Variants in MYO15B observed in about 807,000 individuals in gnomAD.
MYO15B encodes myosin XVB, also known as myosin XVB pseudogene.
In MYO15B, 207 loss-of-function variants were observed where a neutral mutation model predicts 119.3. The observed-to-expected ratio is 1.73, with a 90% confidence interval of 1.55 to 1.95. The LOEUF is 1.95. Ranked by LOEUF, MYO15B falls within the 30% of genes most tolerant of loss-of-function variation. MYO15B has a pLI of 0.00. For missense variants in MYO15B, 2,264 were observed against 1,203.1 expected, an observed-to-expected ratio of 1.88 and a Z score of -13.04; for synonymous variants, 966 against 498.9, an observed-to-expected ratio of 1.94 and a Z score of -12.48.
intron 9 of MYO15B, among the ~76,000 whole-genome samples, chr17:75,593,197 TAAAAAAAAAA>T (rs5822094): frequency 1.3e-5 from 1 of 74,228 alleles, no homozygotes; most frequent in Admixed American, 2.1e-4. Context: ...CCGTCTCTAT[TAAAAAAAAAA>T]AAAAAAAAAA....
At position 75,624,243 on chromosome 17, in the gene MYO15B, C is replaced by A. The variant is rs1414471152; in HGVS notation, c.8341C>A (p.Pro2781Thr). The A allele has an allele frequency of 8.5e-6, 6 of 702,930 alleles. No individual in the cohort carries two copies. The South Asian group carries it at 8.9e-5, about 10-fold the overall frequency. The allele number at this position is 702,930 out of a possible 1,614,324, so 43.5% of individuals were successfully genotyped here. Residue 2781 changes from proline to threonine, a missense_variant, in exon 56 of 64, where the codon CCA becomes ACA. Pro to Thr is a conservative substitution (Grantham distance 38, BLOSUM62 -1). Transcript: ENST00000645453. ...ATATGGGGGGCGCCGGCGGATGCCCCCACCGGGTGAAATGAAGGCTTTCCT... is the reference window on the plus strand; with the variant it reads ...ATATGGGGGGCGCCGGCGGATGCCCACACCGGGTGAAATGAAGGCTTTCCT...
Position 75,619,129 on chromosome 17 carries a change from C to T in MYO15B, c.6988-14C>T, listed in dbSNP as rs1406234131. ...TCTCAGGACCTGGTGGTGACCACCT[C>T]GCTCTGCCCCCAGATCCTACGGGAC... On this transcript the variant is annotated splice_polypyrimidine_tract_variant and intron_variant, in intron 43 of 63. Transcript: ENST00000645453. 8 of 702,704 alleles carry T rather than the reference C, an allele frequency of 1.1e-5. No individual in the cohort carries two copies. The highest frequency in any genetic ancestry group is 5.4e-5 in the East Asian group (2 of 37,304). The allele number at this position is 702,704 out of a possible 1,614,324, so 43.5% of individuals were successfully genotyped here.
chr17:75,597,275 G>A (rs1242465779), intron 14 of MYO15B, among the ~76,000 whole-genome samples: 2 of 152,206 alleles, frequency 1.3e-5, no homozygotes, highest in African/African-American at 4.8e-5. Context: ...GCCTCTGACT[G>A]GTCGGGGACA....
rs551797951 is a variant in MYO15B at position 75,589,192 on chromosome 17, T to TGGCTGCGGCGGCGGCTGC, written c.1151_1168dup (p.Leu384_Arg389dup). On this transcript the variant is annotated inframe_insertion, in exon 1 of 64. Coordinates refer to ENST00000645453, the Ensembl canonical transcript of MYO15B. This position sits in a 1 kb window ranked among gnomAD's most constrained non-coding sequence, Gnocchi z 4.2. ...AGCGCGAGCCCTGGGCCTCCTGCGC[T>TGGCTGCGGCGGCGGCTGC]GGCTGCGGCGGCGGCTGCGGCTGCG... 2.3e-4 allele frequency: 90 copies of TGGCTGCGGCGGCGGCTGC among 396,632 alleles called. 1 individual carries two copies. The highest frequency in any genetic ancestry group is 1.1e-3 in the South Asian group (9 of 7,902). The allele number at this position is 396,632 out of a possible 1,614,324, so 24.6% of individuals were successfully genotyped here.
intron 14 of MYO15B, among the ~76,000 whole-genome samples, chr17:75,598,270 A>AAAAAG (rs71161234): frequency 2.9e-4 from 44 of 151,236 alleles, no homozygotes; most frequent in African/African-American, 8.2e-4. Context: ...CCGTCTCAAA[A>AAAAAG]AAAAGAAAAG....
At chr17:75,624,197 G>A (rs1223168015) in exon 56 of MYO15B, 1 of 702,988 alleles carries the variant, frequency 1.4e-6, no homozygotes, top group East Asian at 2.7e-5. Context: ...GCAGCCAGGA[G>A]CACCTCCAGC....
exon 39 of MYO15B, chr17:75,616,546 C>A (rs565772663): frequency 4.3e-6 from 3 of 702,818 alleles, no homozygotes; most frequent in Admixed American, 2.0e-5. Context: ...CTCCTCCCCC[C>A]ATCGTGAAGA....
At chr17:75,603,356 G>A (rs530093546) in intron 19 of MYO15B, 44 bp downstream of exon 19, 191 of 698,102 alleles carry the variant, frequency 2.7e-4, no homozygotes, top group Non-Finnish European at 3.7e-4. Context: ...GGAGGCCACC[G>A]GGAGTGACTG....
exon 46 of MYO15B, chr17:75,619,731 G>A (rs752005200): frequency 1.4e-6 from 1 of 702,910 alleles, no homozygotes; most frequent in South Asian, 1.5e-5. Context: ...ACCGTGGGCT[G>A]CGACTGCTCA....
At position 75,623,856 on chromosome 17, in the gene MYO15B, T is replaced by C; in HGVS notation, c.8156+2T>C. 1 of 579,728 alleles carries C rather than the reference T, an allele frequency of 1.7e-6. No homozygotes were observed. The highest frequency in any genetic ancestry group is 3.0e-6 in the Non-Finnish European group (1 of 329,496). 35.9% of individuals were successfully genotyped at this position (579,728 alleles called of 1,614,324 possible). ...GCAGGTCACGGGACACCCCCGGCCG[T>C]GAGTGGGGACCGGTGGCTTCTGGGG... On this transcript the variant is annotated splice_donor_variant, in intron 54 of 63. Coordinates refer to ENST00000645453, the Ensembl canonical transcript of MYO15B. LOFTEE classifies it high-confidence loss of function.
intron 16 of MYO15B, 102 bp downstream of exon 16, chr17:75,602,696 C>T (rs2057361951): frequency 8.2e-6 from 5 of 608,318 alleles, no homozygotes; most frequent in Non-Finnish European, 1.5e-5. Context: ...GCCCTCAAGT[C>T]CCTGGCACCT....
In MYO15B at chr17:75,592,222, T is replaced by C; in HGVS notation, c.2652-16T>C. The C allele has an allele frequency of 1.4e-6, 1 of 702,626 alleles. No individual in the cohort carries two copies. Among genetic ancestry groups the C allele is most frequent in the South Asian group, 1.5e-5 (1 of 67,584 alleles). The allele number at this position is 702,626 out of a possible 1,614,324, so 43.5% of individuals were successfully genotyped here. On this transcript the variant is annotated splice_polypyrimidine_tract_variant and intron_variant, in intron 6 of 63. Transcript: ENST00000645453. ...TCTGCATCCTGGGCACTCACACCCA[T>C]CTTCTGTGCCCACAGAGGGGTCATC... is the stretch of plus-strand genomic sequence containing the variant.
At chr17:75,594,346 G>C in intron 9 of MYO15B, 129 bp from the exon 10 acceptor site, 1 of 537,272 alleles carries the variant, frequency 1.9e-6, no homozygotes, top group Non-Finnish European at 3.3e-6. Flanking sequence ...TAATGGCCCA[G>C]ATCTCCTCAT....
rs369251729 is a variant in MYO15B at position 75,605,503 on chromosome 17, G to A, written c.4017-1G>A. 6.4e-5 allele frequency: 45 copies of A among 702,490 alleles called. No individual in the cohort carries two copies. In the East Asian group the frequency reaches 7.8e-4, roughly 12 times the overall value. The allele number at this position is 702,490 out of a possible 1,614,324, so 43.5% of individuals were successfully genotyped here. A position where few individuals can be genotyped will look rare whatever the true frequency, so the allele number is the denominator to read the frequency against. On this transcript the variant is annotated splice_acceptor_variant, in intron 19 of 63. Transcript: ENST00000645453. LOFTEE classifies it high-confidence loss of function. ...TGATCTCAGCTCCATCCTTGGAGCA[G>A]CTTCCAGGCCCTGGGGTCAGAAGGG... is the stretch of plus-strand genomic sequence containing the variant.
At chr17:75,613,144 G>C (rs1237406071) in exon 27 of MYO15B, 4 of 702,464 alleles carry the variant, frequency 5.7e-6, no homozygotes, top group Admixed American at 4.0e-5. Context: ...AGCGTGGCTG[G>C]GCCCTCATGG....
At chr17:75,590,969 T>G (rs1326552138) in exon 3 of MYO15B, 3 of 567,406 alleles carry the variant, frequency 5.3e-6, no homozygotes, top group Admixed American at 6.0e-5. Flanking sequence ...TTTTTTCACC[T>G]GAGGTCCAGG....
chr17:75,618,781 T>C (rs2058529950), intron 43 of MYO15B, among the ~76,000 whole-genome samples: 1 of 134,470 alleles, frequency 7.4e-6, no homozygotes, highest in African/African-American at 2.6e-5. Flanking sequence ...CTTTGCCACC[T>C]CTGAACGCTC....
Position 75,625,974 on chromosome 17 carries a change from C to G in MYO15B, c.9069C>G (p.Ser3023=), listed in dbSNP as rs572080196. Residue 3023 remains serine, a synonymous_variant, in exon 62 of 64, where the codon TCC becomes TCG. Transcript: ENST00000645453. ...ATCTCATCCTCATGGACCCCAGCTC[C>G]CAGGTGGGCACAGCTCTTGCCTCAG... is the stretch of plus-strand genomic sequence containing the variant. 7 of 701,890 alleles carry G rather than the reference C, an allele frequency of 1.0e-5. No homozygotes were observed. In the South Asian group the frequency reaches 1.0e-4, roughly 10 times the overall value. 43.5% of individuals were successfully genotyped at this position (701,890 alleles called of 1,614,324 possible).
At chr17:75,611,775 T>C (rs1737343823) in intron 24 of MYO15B, 111 bp from the exon 25 acceptor site, 4 of 693,598 alleles carry the variant, frequency 5.8e-6, no homozygotes, top group Non-Finnish European at 7.9e-6. Flanking sequence ...AGCTCATCAC[T>C]TGGGTCCCTG....
Sources: allele counts gnomAD v4.1 joint callset (sites outside exome capture counted in the v4.1 genomes callset), GRCh38; gene constraint gnomAD v4.1.1; non-coding constraint Gnocchi (gnomAD v3.1); transcripts MANE v1.5; gene names NCBI Gene and HGNC (gene_info 2026-07-23, HGNC 2026-07-21).